CSMD1: variants seen among roughly 807,000 people sequenced by gnomAD.
The protein encoded by CSMD1 is CUB and Sushi multiple domains 1.
Under a neutral mutation model 417.5 loss-of-function variants are expected in CSMD1, and 213 were observed. That is an observed-to-expected ratio of 0.51 (90% confidence interval 0.46 to 0.57). The LOEUF (loss-of-function observed/expected upper bound fraction) is 0.57, where lower values mean the gene tolerates loss of function less well. Ranked by LOEUF, CSMD1 falls within the 20% of genes least tolerant of loss-of-function variation. CSMD1 has a pLI of 0.00. For missense variants in CSMD1, 6,923 were observed against 4,529.7 expected, an observed-to-expected ratio of 1.53 and a Z score of -15.17; for synonymous variants, 2,862 against 1,736.8, an observed-to-expected ratio of 1.65 and a Z score of -16.11.
chr8:4,439,544 G>A (rs540641449), intron 2 of CSMD1, among the ~76,000 whole-genome samples: 1 of 152,136 alleles, frequency 6.6e-6, no homozygotes, highest in East Asian at 1.9e-4. Flanking sequence ...ATGTATATTT[G>A]AAGTATGAGT....
chr8:3,540,598 C>A (rs766399273), intron 10 of CSMD1, among the ~76,000 whole-genome samples: 3 of 152,102 alleles, frequency 2.0e-5, no homozygotes, highest in Non-Finnish European at 4.4e-5. Context: ...AACAGACAAC[C>A]TACAGAATGG....
intron 5 of CSMD1, among the ~76,000 whole-genome samples, chr8:3,782,799 T>A (rs1325260867): frequency 1.3e-5 from 2 of 152,124 alleles, no homozygotes; most frequent in African/African-American, 4.8e-5. Context: ...AGATAACAAA[T>A]GATTTTATAA....
intron 6 of CSMD1, among the ~76,000 whole-genome samples, chr8:3,726,026 C>T (rs1254875465): frequency 6.6e-6 from 1 of 152,168 alleles, no homozygotes; most frequent in African/African-American, 2.4e-5. Context: ...CTGGCTCTTT[C>T]TCTCTTGAAG....
At chr8:3,209,164 T>C (rs1585661687) in intron 30 of CSMD1, among the ~76,000 whole-genome samples, 2 of 152,308 alleles carry the variant, frequency 1.3e-5, no homozygotes, top group East Asian at 3.9e-4. Context: ...TGATAAATAG[T>C]GCTTGTGCCT....
At chr8:3,737,276 T>C (rs964420852) in intron 6 of CSMD1, among the ~76,000 whole-genome samples, 1 of 152,202 alleles carries the variant, frequency 6.6e-6, no homozygotes, top group Non-Finnish European at 1.5e-5. Flanking sequence ...AAGTTTATCT[T>C]GCTAAAGTAA....
intron 1 of CSMD1, among the ~76,000 whole-genome samples, chr8:4,804,600 G>T (rs1222224376): frequency 6.6e-6 from 1 of 152,106 alleles, no homozygotes; most frequent in Non-Finnish European, 1.5e-5. Context: ...AGGAAGGAAA[G>T]TACGAAGGAA....
intron 1 of CSMD1, among the ~76,000 whole-genome samples, chr8:4,708,528 T>A (rs533830226): frequency 3.0e-4 from 46 of 152,274 alleles, no homozygotes; most frequent in Admixed American, 7.8e-4. Context: ...CTCTTAAAAA[T>A]GAAGGTAAAT....
chr8:3,584,336 CAA>C (rs1208593538), intron 9 of CSMD1, among the ~76,000 whole-genome samples: 1 of 152,120 alleles, frequency 6.6e-6, no homozygotes, highest in Non-Finnish European at 1.5e-5. Context: ...ACACACCAAA[CAA>C]GAGAGACCCT....
intron 50 of CSMD1, among the ~76,000 whole-genome samples, chr8:3,037,395 A>C (rs1386502587): frequency 1.3e-5 from 2 of 150,136 alleles, no homozygotes; most frequent in African/African-American, 4.9e-5. Flanking sequence ...TTTTTAGTAG[A>C]GATGGGGTTT....
chr8:4,310,576 G>C lies in CSMD1; in HGVS notation c.415+109377C>G, dbSNP rs137937385. Among the ~76,000 whole-genome samples the C allele has an allele frequency of 8.9e-4, 136 of 152,158 alleles. No individual in the cohort carries two copies. In the Middle Eastern group the frequency reaches 0.014, roughly 15 times the overall value. On this transcript the variant is annotated intron_variant, in intron 3 of 69. Coordinates refer to ENST00000635120, the MANE Select transcript of CSMD1 (RefSeq NM_033225.6). ...ATACTTGTATGACATTTACATTTTT[G>C]AAAGTTTTCATAGCTCTCGATGATG...
chr8:3,311,486 G>C (rs1805342442), intron 23 of CSMD1, among the ~76,000 whole-genome samples: 2 of 152,132 alleles, frequency 1.3e-5, no homozygotes, highest in African/African-American at 4.8e-5. Flanking sequence ...CTGACCTCAA[G>C]TGATTTGCTT....
chr8:3,258,441 T>C (rs555622716), intron 26 of CSMD1, among the ~76,000 whole-genome samples: 1 of 152,208 alleles, frequency 6.6e-6, no homozygotes, highest in East Asian at 1.9e-4. Context: ...AACCGAGATA[T>C]AAAAGATGCT....
intron 1 of CSMD1, among the ~76,000 whole-genome samples, chr8:4,786,508 G>A (rs982202765): frequency 2.0e-5 from 3 of 152,180 alleles, no homozygotes; most frequent in Non-Finnish European, 4.4e-5. Flanking sequence ...GCAATGAGAT[G>A]TAAATTGGTG....
At chr8:3,984,275 G>A (rs1208022236) in intron 5 of CSMD1, among the ~76,000 whole-genome samples, 1 of 152,156 alleles carries the variant, frequency 6.6e-6, no homozygotes, top group Non-Finnish European at 1.5e-5. Context: ...TCACATTGAT[G>A]TCCCCAATAA....
At chr8:4,812,636 C>T (rs1417565179) in intron 1 of CSMD1, among the ~76,000 whole-genome samples, 1 of 152,052 alleles carries the variant, frequency 6.6e-6, no homozygotes, top group Non-Finnish European at 1.5e-5. Flanking sequence ...TTTCATAGAT[C>T]ATTTAAACAA....
chr8:3,877,422 G>C (rs1260379374), intron 5 of CSMD1, among the ~76,000 whole-genome samples: 1 of 152,334 alleles, frequency 6.6e-6, no homozygotes, highest in East Asian at 1.9e-4. Flanking sequence ...CAGAAGCGGA[G>C]TCTAGCGTTC....
At chr8:4,634,441 T>A (rs1468570237) in intron 2 of CSMD1, among the ~76,000 whole-genome samples, 1 of 152,206 alleles carries the variant, frequency 6.6e-6, no homozygotes, top group Non-Finnish European at 1.5e-5. Flanking sequence ...ATGCTCAAGT[T>A]GTTTAACAGA....
chr8:4,309,788 C>A (rs537333759), intron 3 of CSMD1, among the ~76,000 whole-genome samples: 1 of 152,202 alleles, frequency 6.6e-6, no homozygotes, highest in South Asian at 2.1e-4. Flanking sequence ...AGCATAGAAA[C>A]CTCACCTCCA....
In CSMD1 at chr8:4,994,452, G is replaced by A; in HGVS notation, c.-36C>T. ...ACTCCACACGCACGCGACACCGATG[G>A]CTCCTCCGAGGAAGGCAGGGCTATG... On this transcript the variant is annotated 5_prime_UTR_variant, in exon 1 of 70. Transcript: ENST00000635120. 1 of 1,573,926 alleles carries A rather than the reference G, an allele frequency of 6.4e-7. No homozygotes were observed. The highest frequency in any genetic ancestry group is 8.7e-7 in the Non-Finnish European group (1 of 1,149,058).
Sources: allele counts gnomAD v4.1 joint callset (sites outside exome capture counted in the v4.1 genomes callset), GRCh38; gene constraint gnomAD v4.1.1; transcripts MANE v1.5; gene names NCBI Gene and HGNC (gene_info 2026-07-23, HGNC 2026-07-21).